Variants in FOXP2 observed in about 807,000 individuals in gnomAD.
FOXP2 encodes forkhead box P2, also known as forkhead box protein P2.
Under a neutral mutation model 115.8 loss-of-function variants are expected in FOXP2, and 12 were observed. The observed-to-expected ratio is 0.10, with a 90% CI of 0.07 to 0.17. The LOEUF (loss-of-function observed/expected upper bound fraction) is 0.17, where lower values mean the gene tolerates loss of function less well. Ranked by LOEUF, FOXP2 falls within the 10% of genes least tolerant of loss-of-function variation. The pLI is 1.00. For missense variants in FOXP2, 629 were observed against 843.5 expected (o/e 0.75, Z 3.15); for synonymous variants, 328 against 297.7 (o/e 1.10, Z -1.05).
intron 3 of FOXP2, among the ~76,000 whole-genome samples, chr7:114,623,105 T>G (rs1428479170): frequency 6.6e-6 from 1 of 151,978 alleles, no homozygotes; most frequent in Admixed American, 6.6e-5. Flanking sequence ...GCACTTCAGT[T>G]GCAAAGTATT....
At chr7:114,194,460 G>A (rs1412644403) in intron 1 of FOXP2, among the ~76,000 whole-genome samples, 1 of 146,780 alleles carries the variant, frequency 6.8e-6, no homozygotes, top group African/African-American at 2.5e-5. Flanking sequence ...ATTTTTTTTT[G>A]TTTTATCTTT....
chr7:114,297,335 C>G, intron 2 of FOXP2: 1 of 613,660 alleles, frequency 1.6e-6, no homozygotes, highest in Non-Finnish European at 3.0e-6. Context: ...TGGTCAGGCG[C>G]CCGTGGTGGC....
At chr7:114,672,414 G>A (rs754694375) in intron 16 of FOXP2, among the ~76,000 whole-genome samples, 27 of 151,916 alleles carry the variant, frequency 1.8e-4, no homozygotes, top group Non-Finnish European at 3.2e-4. Flanking sequence ...GCAAAACCCC[G>A]TCTCTACTAA....
intron 1 of FOXP2, among the ~76,000 whole-genome samples, chr7:114,135,658 A>C (rs1427530424): frequency 1.3e-5 from 2 of 152,170 alleles, no homozygotes; most frequent in African/African-American, 4.8e-5. Flanking sequence ...AAATATATAA[A>C]GCAGTAAGTT....
intron 2 of FOXP2, among the ~76,000 whole-genome samples, chr7:114,373,938 T>C (rs903182501): frequency 5.3e-5 from 8 of 152,212 alleles, no homozygotes; most frequent in African/African-American, 9.6e-5. Flanking sequence ...TGCTTTTTTT[T>C]CCTTTTGCCT....
At chr7:114,231,971 G>A (rs980649776) in intron 1 of FOXP2, among the ~76,000 whole-genome samples, 1 of 151,892 alleles carries the variant, frequency 6.6e-6, no homozygotes, top group African/African-American at 2.4e-5. Flanking sequence ...ATATGATAAG[G>A]AATTAATATC....
chr7:114,158,918 T>G (rs529354877), upstream of FOXP2, among the ~76,000 whole-genome samples: 1 of 152,024 alleles, frequency 6.6e-6, no homozygotes. Flanking sequence ...ACAAAAAGAC[T>G]TGGGTTGGGT....
At chr7:114,475,697 A>C (rs1234645384) in intron 2 of FOXP2, among the ~76,000 whole-genome samples, 1 of 152,060 alleles carries the variant, frequency 6.6e-6, no homozygotes, top group Admixed American at 6.6e-5. Flanking sequence ...AATAGTAAGC[A>C]TACTTTTCCT....
intron 1 of FOXP2, among the ~76,000 whole-genome samples, chr7:114,181,747 A>C (rs1793462868): frequency 6.6e-6 from 1 of 152,104 alleles, no homozygotes; most frequent in Non-Finnish European, 1.5e-5. Flanking sequence ...GGTCAATAAA[A>C]AGATAAAACA....
intron 1 of FOXP2, among the ~76,000 whole-genome samples, chr7:114,124,926 C>T (rs556839485): frequency 1.3e-5 from 2 of 152,158 alleles, no homozygotes; most frequent in South Asian, 2.1e-4. Context: ...GTGAGGCATA[C>T]GTTTTACTGA....
chr7:114,113,125 A>G (rs1791315113), intron 1 of FOXP2, among the ~76,000 whole-genome samples: 1 of 152,196 alleles, frequency 6.6e-6, no homozygotes, highest in South Asian at 2.1e-4. Context: ...AATGATTTGT[A>G]GTCTCTTTAG....
chr7:114,500,199 GA>G (rs1174202504), intron 2 of FOXP2, among the ~76,000 whole-genome samples: 4 of 135,972 alleles, frequency 2.9e-5, no homozygotes, highest in African/African-American at 1.1e-4. Flanking sequence ...CTGGGCGACA[GA>G]GCAAGACTCC....
intron 2 of FOXP2, among the ~76,000 whole-genome samples, chr7:114,461,966 T>C (rs750795675): frequency 4.6e-5 from 7 of 152,102 alleles, no homozygotes; most frequent in Non-Finnish European, 8.8e-5. Context: ...TTTCTATTTG[T>C]GCATGTCAGA....
chr7:114,346,246 T>C (rs1364292217), intron 2 of FOXP2, among the ~76,000 whole-genome samples: 1 of 151,776 alleles, frequency 6.6e-6, no homozygotes, highest in African/African-American at 2.4e-5. Flanking sequence ...TGTTATTTTG[T>C]ATATAGTCAA....
At chr7:114,418,350 A>G (rs1031745350) in intron 1 of FOXP2, among the ~76,000 whole-genome samples, 2 of 151,922 alleles carry the variant, frequency 1.3e-5, no homozygotes, top group African/African-American at 4.8e-5. Context: ...TAATGACCCT[A>G]ATCAGCTAGA....
intron 1 of FOXP2, among the ~76,000 whole-genome samples, chr7:114,150,227 A>G (rs987108886): frequency 1.3e-5 from 2 of 152,038 alleles, no homozygotes; most frequent in African/African-American, 4.8e-5. Context: ...TCTTTTTAGC[A>G]TGCAACAAAA....
chr7:114,293,307 T>C (rs1316748717), intron 2 of FOXP2, among the ~76,000 whole-genome samples: 2 of 152,174 alleles, frequency 1.3e-5, no homozygotes, highest in East Asian at 1.9e-4. Context: ...CTGTCTCTTA[T>C]CTTTGTCTCT....
At chr7:114,165,748 G>GT (rs2129151648) in intron 1 of FOXP2, among the ~76,000 whole-genome samples, 1 of 152,266 alleles carries the variant, frequency 6.6e-6, no homozygotes, top group Non-Finnish European at 1.5e-5. Context: ...AAGTTATTTT[G>GT]TGGGTATTGA....
chr7:114,627,564 C>G (rs1433663102), intron 3 of FOXP2, among the ~76,000 whole-genome samples: 1 of 152,004 alleles, frequency 6.6e-6, no homozygotes, highest in Non-Finnish European at 1.5e-5. Context: ...CTTCCTATTT[C>G]TTCACATCCG....
Sources: gnomAD v4.1 joint callset for allele counts (sites outside exome capture counted in the v4.1 genomes callset) on GRCh38, gnomAD v4.1.1 for gene constraint, MANE v1.5 for transcripts, NCBI Gene and HGNC (gene_info 2026-07-23, HGNC 2026-07-21) for gene names.